DGKB: variants seen among roughly 807,000 people sequenced by gnomAD.
DGKB encodes the protein 90 kDa diacylglycerol kinase.
DGKB carries 67 observed loss-of-function variants against 114.3 expected under a neutral mutation model. That is an observed-to-expected ratio of 0.59 (90% confidence interval 0.48 to 0.72). The LOEUF (loss-of-function observed/expected upper bound fraction) is 0.72. DGKB is among the 30% of genes least tolerant of loss of function. The pLI, the probability that DGKB is intolerant of heterozygous loss-of-function variation, is 0.00. For missense variants in DGKB, 907 were observed against 975.2 expected (o/e 0.93, Z 0.93); for synonymous variants, 398 against 323.1 (o/e 1.23, Z -2.49).
chr7:14,672,376 T>A (rs2128947853), intron 13 of DGKB, among the ~76,000 whole-genome samples: 1 of 152,252 alleles, frequency 6.6e-6, no homozygotes, highest in East Asian at 1.9e-4. Flanking sequence ...CATAGTTACT[T>A]TACTCATGCA....
At chr7:14,729,313 C>A (rs551482278) in intron 5 of DGKB, among the ~76,000 whole-genome samples, 10 of 150,770 alleles carry the variant, frequency 6.6e-5, no homozygotes, top group African/African-American at 1.5e-4. Context: ...TAGTAGAGAC[C>A]AGGTTTCACC....
chr7:14,784,872 CT>C (rs1839655547), intron 2 of DGKB, among the ~76,000 whole-genome samples: 1 of 150,856 alleles, frequency 6.6e-6, no homozygotes. Flanking sequence ...TTTTATACTT[CT>C]TGTGATCCCT....
In DGKB at chr7:14,609,144, A is replaced by T. The variant is rs541170841; in HGVS notation, c.1359-1636T>A. Among the ~76,000 whole-genome samples the T allele has an allele frequency of 3.9e-5, 6 of 152,220 alleles. 1 individual carries two copies. In the South Asian group the frequency reaches 1.2e-3, roughly 32 times the overall value. ...TAAAAAGAACAAAGATGGAAGAATC[A>T]CACCATAAGGCTACAGTAACAAAAA... On this transcript the variant is annotated intron_variant, in intron 16 of 25. Transcript: ENST00000402815.
intron 13 of DGKB, among the ~76,000 whole-genome samples, chr7:14,653,603 T>C (rs1247424540): frequency 1.3e-5 from 2 of 151,886 alleles, no homozygotes; most frequent in African/African-American, 4.8e-5. Flanking sequence ...CATGTATGCA[T>C]ATGTAACTAA....
intron 15 of DGKB, among the ~76,000 whole-genome samples, chr7:14,614,370 T>G (rs1806148081): frequency 6.6e-6 from 1 of 152,064 alleles, no homozygotes; most frequent in Non-Finnish European, 1.5e-5. Flanking sequence ...CCTATGTAAC[T>G]CCCATCTAAA....
intron 21 of DGKB, among the ~76,000 whole-genome samples, chr7:14,405,473 A>G (rs1400297588): frequency 6.6e-6 from 1 of 152,068 alleles, no homozygotes; most frequent in Non-Finnish European, 1.5e-5. Context: ...TGTAGTAAGA[A>G]TTAAATGAGA....
intron 1 of DGKB, among the ~76,000 whole-genome samples, chr7:14,943,952 C>T (rs192126746): frequency 3.3e-5 from 5 of 151,958 alleles, no homozygotes; most frequent in Middle Eastern, 3.4e-3. Flanking sequence ...CACTACCCTA[C>T]GAGGCTATTT....
At chr7:14,528,646 T>C (rs1470370703) in intron 20 of DGKB, among the ~76,000 whole-genome samples, 1 of 151,940 alleles carries the variant, frequency 6.6e-6, no homozygotes, top group Non-Finnish European at 1.5e-5. Flanking sequence ...TAATACACAT[T>C]CTATGGAGTG....
chr7:14,968,499 A>G (rs1307487925), intron 1 of DGKB, among the ~76,000 whole-genome samples: 1 of 152,158 alleles, frequency 6.6e-6, no homozygotes, highest in Non-Finnish European at 1.5e-5. Flanking sequence ...TTGGAAATAT[A>G]AAAATCCCAA....
At chr7:14,187,938 C>T (rs1455329337) in intron 23 of DGKB, among the ~76,000 whole-genome samples, 1 of 151,558 alleles carries the variant, frequency 6.6e-6, no homozygotes, top group African/African-American at 2.4e-5. Flanking sequence ...CACAGAGAAA[C>T]AATTCAATAA....
At chr7:14,170,078 G>A (rs1032275535) in intron 25 of DGKB, among the ~76,000 whole-genome samples, 2 of 144,878 alleles carry the variant, frequency 1.4e-5, no homozygotes, top group African/African-American at 5.1e-5. Context: ...ATGTTGCGGT[G>A]AGCCGAGATC....
intron 20 of DGKB, among the ~76,000 whole-genome samples, chr7:14,492,331 T>C (rs975631202): frequency 3.9e-5 from 6 of 151,902 alleles, no homozygotes; most frequent in Non-Finnish European, 8.8e-5. Flanking sequence ...GTAGCTATTG[T>C]CTAGGGTGGG....
chr7:14,730,271 T>C (rs1189664198), intron 5 of DGKB, among the ~76,000 whole-genome samples: 1 of 152,202 alleles, frequency 6.6e-6, no homozygotes, highest in African/African-American at 2.4e-5. Context: ...TACTAAATGG[T>C]TGGAGTTGGC....
chr7:14,343,924 ATAT>A (rs917827391), intron 22 of DGKB, among the ~76,000 whole-genome samples: 139 of 147,640 alleles, frequency 9.4e-4, no homozygotes, highest in African/African-American at 3.2e-3. Flanking sequence ...TATATGTCAT[ATAT>A]TATTATATAT....
intron 1 of DGKB, among the ~76,000 whole-genome samples, chr7:14,910,290 GAAA>G (rs1783928330): frequency 6.9e-6 from 1 of 144,804 alleles, no homozygotes; most frequent in Admixed American, 6.9e-5. Flanking sequence ...AAGAAAGAAA[GAAA>G]GAAAGAAAGA....
At chr7:14,604,393 T>G (rs1308878360) in intron 17 of DGKB, among the ~76,000 whole-genome samples, 1 of 151,986 alleles carries the variant, frequency 6.6e-6, no homozygotes, top group East Asian at 1.9e-4. Context: ...AAAATAAAGT[T>G]GGGATAAAAG....
chr7:14,507,417 CGTGT>C (rs1252349162), intron 20 of DGKB, among the ~76,000 whole-genome samples: 1 of 151,938 alleles, frequency 6.6e-6, no homozygotes, highest in Non-Finnish European at 1.5e-5. Context: ...TTTAATGTGC[CGTGT>C]GAAAGTCTCA....
chr7:14,640,000 G>T (rs1426063054), intron 13 of DGKB, among the ~76,000 whole-genome samples: 1 of 152,168 alleles, frequency 6.6e-6, no homozygotes, highest in Non-Finnish European at 1.5e-5. Flanking sequence ...CATACTTATG[G>T]TTATGTGAAG....
intron 2 of DGKB, among the ~76,000 whole-genome samples, chr7:14,767,081 A>G (rs2128464014): frequency 6.6e-6 from 1 of 151,838 alleles, no homozygotes; most frequent in South Asian, 2.1e-4. Flanking sequence ...TTTTTGCCAT[A>G]GAAGGAAAGA....
Sources: gnomAD v4.1 joint callset for allele counts (sites outside exome capture counted in the v4.1 genomes callset) on GRCh38, gnomAD v4.1.1 for gene constraint, MANE v1.5 for transcripts, NCBI Gene and HGNC (gene_info 2026-07-23, HGNC 2026-07-21) for gene names.